CRTAC1: variants seen among roughly 807,000 people sequenced by gnomAD.
CRTAC1 encodes acidic secreted protein in cartilage.
CRTAC1 carries 37 observed loss-of-function variants against 67.8 expected under a neutral mutation model. That is an observed-to-expected ratio of 0.55 (90% CI 0.42 to 0.72). CRTAC1 has a LOEUF of 0.72. Ranked by LOEUF, CRTAC1 falls within the 30% of genes least tolerant of loss-of-function variation. CRTAC1 has a pLI of 0.00. For synonymous variants in CRTAC1, 348 were observed against 371.0 expected, an observed-to-expected ratio of 0.94 and a Z score of 0.71; for missense variants, 780 against 931.6, an observed-to-expected ratio of 0.84 and a Z score of 2.12.
rs112535188 is a variant in CRTAC1 at position 97,900,861 on chromosome 10, C to T, written c.1133+642G>A. 8.9e-3 allele frequency among the ~76,000 whole-genome samples: 855 copies of T among 96,130 alleles called. 13 individuals are homozygous for T. The highest frequency in any genetic ancestry group is 0.036 in the African/African-American group (734 of 20,184). The allele number at this position is 96,130 out of a possible 152,430, so 63.1% of individuals were successfully genotyped here. Reference sequence around the variant, plus strand: ...CCTTTTCCTGGTAGTGATTGGACCCCGTAGCCCCTTTTCCTGGTAGTGATT... The same window carrying T: ...CCTTTTCCTGGTAGTGATTGGACCCTGTAGCCCCTTTTCCTGGTAGTGATT... On this transcript the variant is annotated intron_variant, in intron 8 of 14. Transcript: ENST00000370597.
intron 7 of CRTAC1, among the ~76,000 whole-genome samples, chr10:97,904,185 G>A (rs533835874): frequency 6.4e-4 from 97 of 152,158 alleles, no homozygotes; most frequent in African/African-American, 2.3e-3. Flanking sequence ...TCCCACCTCT[G>A]CTGACCTGGT....
At chr10:97,873,175 G>A (rs1367138573) in intron 14 of CRTAC1, among the ~76,000 whole-genome samples, 5 of 152,192 alleles carry the variant, frequency 3.3e-5, no homozygotes, top group Admixed American at 1.3e-4. Context: ...CCAAATGCCT[G>A]GGTGGAGGGT....
At chr10:97,981,285 C>T (rs2136663221) in intron 2 of CRTAC1, among the ~76,000 whole-genome samples, 1 of 152,238 alleles carries the variant, frequency 6.6e-6, no homozygotes, top group Non-Finnish European at 1.5e-5. Flanking sequence ...TAAAATTAAC[C>T]TCTAAACCAT....
chr10:97,889,943 C>G (rs756019004), intron 11 of CRTAC1, among the ~76,000 whole-genome samples: 2 of 152,188 alleles, frequency 1.3e-5, no homozygotes, highest in Admixed American at 6.5e-5. Context: ...ACCCCAACTG[C>G]TCAGAATTGG....
chr10:97,985,647 T>C (rs2051968515), intron 2 of CRTAC1, among the ~76,000 whole-genome samples: 1 of 152,196 alleles, frequency 6.6e-6, no homozygotes, highest in African/African-American at 2.4e-5. Flanking sequence ...AGAGGTGCAC[T>C]TGCCTCTGCA....
chr10:97,935,792 G>A (rs969955456), intron 3 of CRTAC1, among the ~76,000 whole-genome samples: 13 of 152,140 alleles, frequency 8.5e-5, no homozygotes, highest in Non-Finnish European at 1.6e-4. Context: ...GGCATCTTCC[G>A]ATCACGGCAT....
intron 3 of CRTAC1, among the ~76,000 whole-genome samples, chr10:97,926,603 GTAAT>G (rs1280549857): frequency 1.3e-5 from 2 of 152,160 alleles, no homozygotes; most frequent in African/African-American, 2.4e-5. Context: ...GCAGCACCCA[GTAAT>G]TAAACACATT....
At chr10:97,931,942 C>T (rs1361267200) in intron 3 of CRTAC1, among the ~76,000 whole-genome samples, 1 of 152,162 alleles carries the variant, frequency 6.6e-6, no homozygotes, top group Non-Finnish European at 1.5e-5. Context: ...GCACACTCTC[C>T]TACCTGGTTT....
intron 14 of CRTAC1, chr10:97,879,668 C>T: frequency 6.5e-7 from 1 of 1,528,736 alleles, no homozygotes; most frequent in Admixed American, 2.3e-5. Context: ...TTGTTTTTTC[C>T]TTTATTGATG....
intron 2 of CRTAC1, among the ~76,000 whole-genome samples, chr10:98,000,748 T>G (rs1311826924): frequency 6.6e-6 from 1 of 151,892 alleles, no homozygotes; most frequent in Admixed American, 6.6e-5. Flanking sequence ...TTTCAACCAA[T>G]CAAATTTTTA....
intron 4 of CRTAC1, among the ~76,000 whole-genome samples, chr10:97,919,041 G>A (rs1202376436): frequency 7.1e-6 from 1 of 140,854 alleles, no homozygotes; most frequent in Non-Finnish European, 1.5e-5. Context: ...ACCCCCCCCC[G>A]CCTCAGCCTC....
At chr10:98,016,946 C>G (rs944535424) in intron 1 of CRTAC1, among the ~76,000 whole-genome samples, 2 of 152,166 alleles carry the variant, frequency 1.3e-5, no homozygotes, top group African/African-American at 4.8e-5. Context: ...AGAAGAGCAG[C>G]TGGCACCCGG....
In CRTAC1 at chr10:97,942,530, G is replaced by A. The variant is rs375162095; in HGVS notation, c.225-6164C>T. ...AGTTATGGAGGATCGACTTCTTTTC[G>A]CTTAGAATCTTTGACCTATGTGAAA... On this transcript the variant is annotated intron_variant, in intron 2 of 14. Transcript: ENST00000370597. 4.6e-4 allele frequency among the ~76,000 whole-genome samples: 70 copies of A among 152,210 alleles called. No homozygotes were observed. In the East Asian group the frequency reaches 7.9e-3, roughly 17 times the overall value.
intron 12 of CRTAC1, among the ~76,000 whole-genome samples, 174 bp from the exon 13 acceptor site, chr10:97,883,002 A>AC (rs1448821599): frequency 1.3e-5 from 2 of 152,204 alleles, no homozygotes; most frequent in Non-Finnish European, 2.9e-5. Context: ...TGCGCTGAGA[A>AC]CAGAAGGCTG....
intron 12 of CRTAC1, among the ~76,000 whole-genome samples, chr10:97,883,702 C>T (rs765312048): frequency 6.6e-6 from 1 of 152,180 alleles, no homozygotes; most frequent in African/African-American, 2.4e-5. Flanking sequence ...TCCTGTTAAT[C>T]GCCACCAAGT....
At chr10:97,934,104 T>C (rs899642454) in intron 3 of CRTAC1, among the ~76,000 whole-genome samples, 1 of 152,324 alleles carries the variant, frequency 6.6e-6, no homozygotes, top group Non-Finnish European at 1.5e-5. Flanking sequence ...GTCTGTCCCC[T>C]TCCTCTGGCA....
At chr10:97,929,602 C>G (rs2050972747) in intron 3 of CRTAC1, among the ~76,000 whole-genome samples, 1 of 152,190 alleles carries the variant, frequency 6.6e-6, no homozygotes, top group African/African-American at 2.4e-5. Context: ...GCAACCCTCC[C>G]TCTAGGTGGA....
intron 2 of CRTAC1, among the ~76,000 whole-genome samples, chr10:97,996,911 AATG>A (rs943226071): frequency 6.6e-6 from 1 of 152,116 alleles, no homozygotes; most frequent in Non-Finnish European, 1.5e-5. Context: ...GCCAGAAAAA[AATG>A]ATGAGTTCAT....
intron 2 of CRTAC1, among the ~76,000 whole-genome samples, chr10:97,950,909 C>G (rs17520080): frequency 3.3e-3 from 495 of 152,226 alleles, no homozygotes; most frequent in Non-Finnish European, 5.5e-3. Flanking sequence ...AGGTTATCAG[C>G]TGAGAGGAGG....
Sources: allele counts gnomAD v4.1 joint callset (sites outside exome capture counted in the v4.1 genomes callset), GRCh38; gene constraint gnomAD v4.1.1; transcripts MANE v1.5; gene names NCBI Gene and HGNC (gene_info 2026-07-23, HGNC 2026-07-21).